Variants in HMGB1 observed in about 807,000 individuals in gnomAD.
The protein encoded by HMGB1 is high mobility group protein B1.
For synonymous variants in HMGB1, 81 were observed against 84.0 expected (o/e 0.96, Z 0.19); for missense variants, 79 against 253.5 (o/e 0.31, Z 4.67).
intron 1 of HMGB1, among the ~76,000 whole-genome samples, chr13:30,478,391 T>G (rs1477185356): frequency 6.6e-6 from 1 of 152,210 alleles, no homozygotes; most frequent in East Asian, 1.9e-4. Context: ...GCAGCATTAT[T>G]TATAATGTGG....
chr13:30,488,659 T>C (rs928529576), intron 1 of HMGB1, among the ~76,000 whole-genome samples: 22 of 44,584 alleles, frequency 4.9e-4, no homozygotes, highest in Non-Finnish European at 1.2e-3. Context: ...TTATTATTAT[T>C]ATTATTATTA....
chr13:30,558,466 T>A (rs373598491), intron 1 of HMGB1, among the ~76,000 whole-genome samples: 45 of 152,114 alleles, frequency 3.0e-4, no homozygotes, highest in Middle Eastern at 3.4e-3. Context: ...GAAAATTTTT[T>A]AAAAAAATAA....
At chr13:30,470,067 C>T (rs1212516503), upstream of HMGB1, among the ~76,000 whole-genome samples, 4 of 151,902 alleles carry the variant, frequency 2.6e-5, no homozygotes, top group African/African-American at 9.7e-5. Context: ...CATGAACCAC[C>T]GTGCCTGGTG....
intron 1 of HMGB1, chr13:30,463,895 A>C: frequency 2.0e-6 from 1 of 501,362 alleles, no homozygotes; most frequent in Non-Finnish European, 3.4e-6. Context: ...ACAAAACAAA[A>C]ACAGTCCTTC....
intron 1 of HMGB1, among the ~76,000 whole-genome samples, chr13:30,519,424 G>C (rs190186875): frequency 6.6e-6 from 1 of 150,708 alleles, no homozygotes; most frequent in African/African-American, 2.4e-5. Flanking sequence ...GGCCGGGCGC[G>C]GTGGTTCACG....
chr13:30,462,921 C>G (rs138863389), intron 3 of HMGB1, among the ~76,000 whole-genome samples: 1 of 152,268 alleles, frequency 6.6e-6, no homozygotes, highest in African/African-American at 2.4e-5. Context: ...CCTAGATGAA[C>G]ATTCTACAAT....
At position 30,461,341 on chromosome 13, in the gene HMGB1, C is replaced by T. The variant is rs1886314882; in HGVS notation, c.*16G>A. On this transcript the variant is annotated 3_prime_UTR_variant, in exon 5 of 5. Coordinates refer to ENST00000341423, the MANE Select transcript of HMGB1 (RefSeq NM_002128.7). ...TGCTTTATAGACAAGAAAAAAAAAA[C>T]TGCGCTAGAACCAACTTATTCATCA... The T allele has an allele frequency of 2.6e-6, 4 of 1,514,494 alleles. No individual in the cohort carries two copies. Among genetic ancestry groups the T allele is most frequent in the Non-Finnish European group, 3.5e-6 (4 of 1,132,114 alleles). 93.8% of individuals were successfully genotyped at this position (1,514,494 alleles called of 1,614,324 possible).
chr13:30,465,784 C>T lies in HMGB1; in HGVS notation c.-15+12G>A. On this transcript the variant is annotated intron_variant, in intron 1 of 4. Coordinates refer to ENST00000341423, the MANE Select transcript of HMGB1 (RefSeq NM_002128.7). ...AGGCGCTCTCCCCGCCGCGGCGCTG[C>T]CCCAGACTCACCCTCAGCGAGGCAC... 1.0e-6 allele frequency: 1 copy of T among 985,608 alleles called. No individual in the cohort carries two copies. Among genetic ancestry groups the T allele is most frequent in the Non-Finnish European group, 1.2e-6 (1 of 829,752 alleles). 61.1% of individuals were successfully genotyped at this position (985,608 alleles called of 1,614,324 possible). A position where few individuals can be genotyped will look rare whatever the true frequency, so the allele number is the denominator to read the frequency against.
rs543681612 is a variant in HMGB1, at chr13:30,499,407, C to T, written c.-14-35713G>A. On this transcript the variant is annotated intron_variant, in intron 1 of 4. Coordinates refer to the HMGB1 transcript ENST00000405805. ...AATCTCTGATCTCCAGATTGGGTGG[C>T]TCTTCACCAGAAAGTCTCTCGATCA... Among the ~76,000 whole-genome samples the T allele has an allele frequency of 1.7e-4, 26 of 152,274 alleles. No individual in the cohort carries two copies. In the East Asian group the frequency reaches 1.7e-3, roughly 10 times the overall value.
At chr13:30,556,177 G>A (rs1024349159) in intron 1 of HMGB1, among the ~76,000 whole-genome samples, 1 of 152,170 alleles carries the variant, frequency 6.6e-6, no homozygotes, top group African/African-American at 2.4e-5. Flanking sequence ...GGCCAAGATG[G>A]GCAGATCACC....
chr13:30,473,759 T>C (rs979217070), intron 1 of HMGB1, among the ~76,000 whole-genome samples: 3 of 152,186 alleles, frequency 2.0e-5, no homozygotes, highest in African/African-American at 7.2e-5. Flanking sequence ...CCTAGGTATA[T>C]ACCCAAAAGA....
At chr13:30,535,522 G>T (rs1387568084) in intron 1 of HMGB1, among the ~76,000 whole-genome samples, 2 of 152,132 alleles carry the variant, frequency 1.3e-5, no homozygotes, top group African/African-American at 4.8e-5. Flanking sequence ...AGGATTAATT[G>T]CTTCAGCAGG....
upstream of HMGB1, among the ~76,000 whole-genome samples, chr13:30,466,575 G>A (rs118052983): frequency 4.8e-3 from 737 of 152,312 alleles, 4 homozygotes; most frequent in Middle Eastern, 0.017. Flanking sequence ...GGGCTCATAA[G>A]CCGTCACGTC....
At chr13:30,588,503 A>T (rs1415936303) in intron 1 of HMGB1, among the ~76,000 whole-genome samples, 1 of 152,200 alleles carries the variant, frequency 6.6e-6, no homozygotes, top group African/African-American at 2.4e-5. Flanking sequence ...GCAGCGGGGG[A>T]AAAAACAGAA....
At chr13:30,547,270 C>T (rs998049723) in intron 1 of HMGB1, among the ~76,000 whole-genome samples, 2 of 152,342 alleles carry the variant, frequency 1.3e-5, no homozygotes, top group East Asian at 1.9e-4. Context: ...ACAGGTAAGG[C>T]ACTGCTCCAG....
rs181386192 is a variant in HMGB1 at position 30,463,941 on chromosome 13, C to G, written c.-14-247G>C. 1.9e-4 allele frequency: 75 copies of G among 392,966 alleles called. 1 individual carries two copies. The Admixed American group carries it at 2.0e-3, about 10-fold the overall frequency. The allele number at this position is 392,966 out of a possible 1,614,324, so 24.3% of individuals were successfully genotyped here. On this transcript the variant is annotated intron_variant, in intron 1 of 4. Transcript: ENST00000341423. ...CAAAAAGTCTAGACACAAAGATATACCCATACAGTATTCCCTATCTATCCG... is the reference window on the plus strand; with the variant it reads ...CAAAAAGTCTAGACACAAAGATATAGCCATACAGTATTCCCTATCTATCCG...
chr13:30,479,762 A>G (rs1021321731), intron 1 of HMGB1, among the ~76,000 whole-genome samples: 7 of 152,228 alleles, frequency 4.6e-5, no homozygotes, highest in African/African-American at 1.4e-4. Context: ...ATGAGCTCAT[A>G]TACCTAAAGA....
At position 30,459,558 on chromosome 13, in the gene HMGB1, C is replaced by T. The variant is rs1202664766; in HGVS notation, c.*1799G>A. 6.6e-6 allele frequency: 1 copy of T among 152,166 alleles called. No homozygotes were observed. Among genetic ancestry groups the T allele is most frequent in the Non-Finnish European group, 1.5e-5 (1 of 68,022 alleles). The allele number at this position is 152,166 out of a possible 1,614,324, so 9.4% of individuals were successfully genotyped here. On this transcript the variant is annotated 3_prime_UTR_variant, in exon 5 of 5. Transcript: ENST00000341423. Reference sequence around the variant, plus strand: ...GACACAATTGCAGCCTATCACTAACCCTGCTGTTCGCTTGCATGTATCTTG... The same window carrying T: ...GACACAATTGCAGCCTATCACTAACTCTGCTGTTCGCTTGCATGTATCTTG...
chr13:30,478,689 C>A (rs12427937), intron 1 of HMGB1, among the ~76,000 whole-genome samples: 1,723 of 151,950 alleles, frequency 0.011, 122 homozygotes, highest in Admixed American at 0.1. Context: ...TTTTTTGAGA[C>A]AGGTTCTTGC....
Sources: allele counts gnomAD v4.1 joint callset (sites outside exome capture counted in the v4.1 genomes callset), GRCh38; gene constraint gnomAD v4.1.1; transcripts MANE v1.5; gene names NCBI Gene and HGNC (gene_info 2026-07-23, HGNC 2026-07-21).